C4orf54: variants seen among roughly 807,000 people sequenced by gnomAD.
C4orf54 encodes the protein chromosome 4 open reading frame 54.
C4orf54 carries 67 observed loss-of-function variants against 80.1 expected under a neutral mutation model. That is an observed-to-expected ratio of 0.84 (90% confidence interval 0.69 to 1.03). The LOEUF (loss-of-function observed/expected upper bound fraction) is 1.03. Among genes scored for constraint, C4orf54 ranks in the 50% least tolerant of loss-of-function variants. C4orf54 has a pLI of 0.00. For synonymous variants in C4orf54, 1,000 were observed against 917.0 expected (o/e 1.09, Z -1.64); for missense variants, 2,434 against 2,253.5 (o/e 1.08, Z -1.62).
At chr4:99,645,064 C>A (rs551841098) in intron 2 of C4orf54, among the ~76,000 whole-genome samples, 1 of 151,614 alleles carries the variant, frequency 6.6e-6, no homozygotes, top group Non-Finnish European at 1.5e-5. Context: ...ATGTAGTGAC[C>A]CCATCTCTAA....
chr4:99,650,925 C>G lies in C4orf54; in HGVS notation c.3724G>C (p.Glu1242Gln). The part of the protein sequence containing the change: ...PEKLKEEEVK[E>Q]EGKATKPARN... ...GCTGGCTTCGTGGCTTTCCCTTCCT[C>G]CTTGACCTCCTCCTCCTTGAGCTTC... is the stretch of plus-strand genomic sequence containing the variant. Residue 1242 changes from glutamate to glutamine, a missense_variant, in exon 2 of 3, where the codon GAG becomes CAG. Physicochemically the swap from Glu to Gln is conservative, Grantham distance 29 (BLOSUM62 2). Coordinates refer to ENST00000511828, the MANE Select transcript of C4orf54 (RefSeq NM_001354435.2). The G allele has an allele frequency of 6.5e-7, 1 of 1,536,204 alleles. No homozygotes were observed. The highest frequency in any genetic ancestry group is 8.7e-7 in the Non-Finnish European group (1 of 1,146,930).
In C4orf54 at chr4:99,650,435, A is replaced by T; in HGVS notation, c.4214T>A (p.Ile1405Asn). ...GCCAGCGACACCCCCAGTTTTCTGG[A>T]TGCTGCTGGCACTCACTGTGAACAC... Reference protein sequence around the residue: ...RNVFTVSASSIQKTGGVAGKF... With the variant: ...RNVFTVSASSNQKTGGVAGKF... Residue 1405 changes from isoleucine (I) to asparagine (N), a missense_variant, in exon 2 of 3, where the codon ATC becomes AAC. By Grantham distance (149) the Ile-to-Asn change is moderately radical. Coordinates refer to ENST00000511828, the MANE Select transcript of C4orf54 (RefSeq NM_001354435.2). The T allele has an allele frequency of 6.5e-7, 1 of 1,535,404 alleles. No individual in the cohort carries two copies. The highest frequency in any genetic ancestry group is 8.7e-7 in the Non-Finnish European group (1 of 1,146,388).
chr4:99,643,794 C>CACACACACACACACACACACACA (rs1560634918), intron 2 of C4orf54, among the ~76,000 whole-genome samples: 2 of 65,184 alleles, frequency 3.1e-5, no homozygotes, highest in Admixed American at 2.0e-4. Context: ...ACACACACAC[C>CACACACACACACACACACACACA]CCCTCCGCGG....
chr4:99,643,927 T>A (rs1560635015), intron 2 of C4orf54, among the ~76,000 whole-genome samples: 1 of 152,172 alleles, frequency 6.6e-6, no homozygotes, highest in Non-Finnish European at 1.5e-5. Context: ...CTTTAATGTT[T>A]CATATAATTA....
rs1335987270 is a variant in C4orf54 at position 99,640,130 on chromosome 4, T to C, written c.*1103A>G. On this transcript the variant is annotated 3_prime_UTR_variant, in exon 3 of 3. Transcript: ENST00000511828. ...CCTGTGAACACTCACTCAAATAGCC[T>C]TCAGAATTGGGTTACAACTGAGACA... 1 of 152,198 alleles carries C rather than the reference T, an allele frequency of 6.6e-6. No individual in the cohort carries two copies. Among genetic ancestry groups the C allele is most frequent in the Non-Finnish European group, 1.5e-5 (1 of 68,010 alleles). The allele number at this position is 152,198 out of a possible 1,614,324, so 9.4% of individuals were successfully genotyped here.
intron 2 of C4orf54, among the ~76,000 whole-genome samples, 189 bp from the exon 3 acceptor site, chr4:99,641,385 A>G (rs1419483669): frequency 6.6e-6 from 1 of 152,170 alleles, no homozygotes; most frequent in Non-Finnish European, 1.5e-5. Context: ...GAACTTACTA[A>G]ACATTATGCC....
chr4:99,647,332 A>G (rs1205852777), intron 2 of C4orf54, among the ~76,000 whole-genome samples: 1 of 152,182 alleles, frequency 6.6e-6, no homozygotes, highest in East Asian at 1.9e-4. Context: ...GCCTCATAGC[A>G]TTAGTTGGTC....
chr4:99,651,765 C>T lies in C4orf54; in HGVS notation c.2884G>A (p.Gly962Arg). The T allele has an allele frequency of 6.5e-7, 1 of 1,536,112 alleles. No homozygotes were observed. Residue 962 changes from glycine (G) to arginine (R), a missense_variant, in exon 2 of 3, where the codon GGG becomes AGG. Physicochemically the swap from Gly to Arg is moderately radical, Grantham distance 125. Transcript: ENST00000511828. ...AEKREEQAPI[G>R]KLKLPKGGDW... ...CCTCCTTTGGGCAGCTTCAGCTTCC[C>T]TATAGGGGCTTGTTCCTCCCTCTTC...
chr4:99,651,162 C>T lies in C4orf54; in HGVS notation c.3487G>A (p.Glu1163Lys). The T allele has an allele frequency of 6.5e-7, 1 of 1,536,172 alleles. No homozygotes were observed. Among genetic ancestry groups the T allele is most frequent in the South Asian group, 1.2e-5 (1 of 84,060 alleles). The change falls in exon 2 of 3, where the codon GAA (glutamate) becomes AAA (lysine). Residue 1163 changes from glutamate to lysine, a missense_variant. Physicochemically the swap from Glu to Lys is moderately conservative, Grantham distance 56 (BLOSUM62 1). Transcript: ENST00000511828. ...CTGGGCTCTCGGTCCATGCTGTCTT[C>T]CCTCTGGTTCACTACAGCCTGGCAT... is the stretch of plus-strand genomic sequence containing the variant. ...ITCQAVVNQR[E>K]DSMDREPRES...
intron 1 of C4orf54, 48 bp from the exon 2 acceptor site, chr4:99,654,727 G>A (rs560957249): frequency 1.6e-6 from 1 of 625,854 alleles, no homozygotes; most frequent in African/African-American, 1.8e-5. Context: ...TATTTTTAGT[G>A]TCCATTCCGT....
Position 99,649,887 on chromosome 4 carries a change from C to T in C4orf54, c.4762G>A (p.Ala1588Thr). The T allele has an allele frequency of 6.5e-7, 1 of 1,529,560 alleles. No homozygotes were observed. Among genetic ancestry groups the T allele is most frequent in the South Asian group, 1.2e-5 (1 of 83,744 alleles). 94.7% of individuals were successfully genotyped at this position (1,529,560 alleles called of 1,614,324 possible). The change falls in exon 2 of 3, where the codon GCA becomes ACA. Residue 1588 changes from alanine (A) to threonine (T), a missense_variant. By Grantham distance (58) the Ala-to-Thr change is moderately conservative. Transcript: ENST00000511828. ...CFSPPSMPAP[A>T]PAASAPVPTD... ...GGGACGGGAGCTGAGGCTGCAGGTG[C>T]TGGGGCAGGCATGCTGGGTGGGGAG...
chr4:99,654,347 C>T lies in C4orf54; in HGVS notation c.302G>A (p.Gly101Glu). Residue 101 changes from glycine (G) to glutamate (E), a missense_variant, in exon 2 of 3, where the codon GGG (glycine) becomes GAG (glutamate). Transcript: ENST00000511828. ...CAGGGTCCCACGTATCTGGACTGGCCCCAAGGCTGTAGGCACTGCTGCCAC... is the reference window on the plus strand; with the variant it reads ...CAGGGTCCCACGTATCTGGACTGGCTCCAAGGCTGTAGGCACTGCTGCCAC... ...AAVAAVPTAL[G>E]PVQIRGTLLR... 1 of 1,318,712 alleles carries T rather than the reference C, an allele frequency of 7.6e-7. No individual in the cohort carries two copies. Among genetic ancestry groups the T allele is most frequent in the Non-Finnish European group, 1.1e-6 (1 of 948,800 alleles). The allele number at this position is 1,318,712 out of a possible 1,614,324, so 81.7% of individuals were successfully genotyped here.
chr4:99,647,380 G>A (rs544931684), intron 2 of C4orf54, among the ~76,000 whole-genome samples: 3 of 152,286 alleles, frequency 2.0e-5, no homozygotes, highest in Admixed American at 6.5e-5. Context: ...CTGTCTAAGC[G>A]ATTAAAACAC....
Position 99,653,701 on chromosome 4 carries a change from C to G in C4orf54, c.948G>C (p.Gln316His). The G allele has an allele frequency of 6.5e-7, 1 of 1,531,430 alleles. No individual in the cohort carries two copies. The highest frequency in any genetic ancestry group is 8.7e-7 in the Non-Finnish European group (1 of 1,144,122). 94.9% of individuals were successfully genotyped at this position (1,531,430 alleles called of 1,614,324 possible). The change falls in exon 2 of 3, where the codon CAG (glutamine) becomes CAC (histidine). Residue 316 changes from glutamine (Q) to histidine (H), a missense_variant. Transcript: ENST00000511828. ...ESESGESEGCQAVGGEGEKIS... is the reference protein window; with the variant it reads ...ESESGESEGCHAVGGEGEKIS... ...TTTTCTCTCCTTCTCCTCCCACGGC[C>G]TGGCAACCTTCACTTTCACCACTCT... is the stretch of plus-strand genomic sequence containing the variant.
intron 1 of C4orf54, among the ~76,000 whole-genome samples, chr4:99,655,878 T>C (rs1726970925): frequency 6.6e-6 from 1 of 152,160 alleles, no homozygotes; most frequent in African/African-American, 2.4e-5. Flanking sequence ...GGAACAAAAA[T>C]AACACCATCA....
chr4:99,642,842 G>A (rs17600719), intron 2 of C4orf54, among the ~76,000 whole-genome samples: 18,512 of 152,174 alleles, frequency 0.12, 1,322 homozygotes, highest in Non-Finnish European at 0.16. Context: ...TCTCCACGCC[G>A]GCCTGTGCCC....
At position 99,650,104 on chromosome 4, in the gene C4orf54, G is replaced by A; in HGVS notation, c.4545C>T (p.Val1515=). ...CCTGAGAGCCTTTGGAGCTACTGGG[G>A]ACCTGACTGCGGGCACTCAGCGGGG... ...SLPPLSARSQ[V]PSSSKGSQVS... The change falls in exon 2 of 3, where the codon GTC becomes GTT. Residue 1515 remains valine, a synonymous_variant. Coordinates refer to ENST00000511828, the MANE Select transcript of C4orf54 (RefSeq NM_001354435.2). The A allele has an allele frequency of 6.5e-7, 1 of 1,535,958 alleles. No individual in the cohort carries two copies. The highest frequency in any genetic ancestry group is 8.7e-7 in the Non-Finnish European group (1 of 1,146,870).
At position 99,636,860 on chromosome 4, in the gene C4orf54, T is replaced by TA. The variant is rs1424552340; in HGVS notation, c.*4372dup. On this transcript the variant is annotated 3_prime_UTR_variant, in exon 3 of 3. Coordinates refer to ENST00000511828, the MANE Select transcript of C4orf54 (RefSeq NM_001354435.2). ...CAAGATTCCTACGTTGAGAGCAGTT[T>TA]AAAATTTCACATTCTTCCCATTTAC... 2 of 152,236 alleles carry TA rather than the reference T, an allele frequency of 1.3e-5. No individual in the cohort carries two copies. The highest frequency in any genetic ancestry group is 6.5e-5 in the Admixed American group (1 of 15,272). The allele number at this position is 152,236 out of a possible 1,614,324, so 9.4% of individuals were successfully genotyped here.
Position 99,651,673 on chromosome 4 carries a change from G to T in C4orf54, c.2976C>A (p.Val992=), listed in dbSNP as rs1026000569. Residue 992 remains valine, a synonymous_variant, in exon 2 of 3, where the codon GTC becomes GTA. Transcript: ENST00000511828. ...SKNTIMSRLF[V]PNIQQTPKDK... ...CCTTGGGTGTCTGCTGGATGTTGGG[G>T]ACAAAGAGGCGAGACATGATGGTGT... 46 of 1,535,902 alleles carry T rather than the reference G, an allele frequency of 3.0e-5. No individual in the cohort carries two copies. The Admixed American group carries it at 7.5e-4, about 25-fold the overall frequency.
Sources: gnomAD v4.1 joint callset for allele counts (sites outside exome capture counted in the v4.1 genomes callset) on GRCh38, gnomAD v4.1.1 for gene constraint, MANE v1.5 for transcripts, NCBI Gene and HGNC (gene_info 2026-07-23, HGNC 2026-07-21) for gene names.